FAM153A: variants seen among roughly 807,000 people sequenced by gnomAD.
FAM153A encodes protein FAM153A.
FAM153A carries 12 observed loss-of-function variants against 48.1 expected under a neutral mutation model. That is an observed-to-expected ratio of 0.25 (90% CI 0.16 to 0.40). The LOEUF is 0.40. Among genes scored for constraint, FAM153A ranks in the 10% least tolerant of loss-of-function variants. The pLI is 1.00. For missense variants in FAM153A, 111 were observed against 345.8 expected, an observed-to-expected ratio of 0.32 and a Z score of 5.38; for synonymous variants, 36 against 118.2, an observed-to-expected ratio of 0.30 and a Z score of 4.51.
At chr5:177,755,932 G>A (rs10155533), upstream of FAM153A, among the ~76,000 whole-genome samples, 475 of 150,834 alleles carry the variant, frequency 3.1e-3, 13 homozygotes, top group African/African-American at 0.011. Context: ...GTCAACTAAC[G>A]AGCAAAATAA....
intron 1 of FAM153A, among the ~76,000 whole-genome samples, chr5:177,758,530 C>T (rs988976355): frequency 3.0e-5 from 4 of 135,200 alleles, no homozygotes; most frequent in Middle Eastern, 4.0e-3. Context: ...CAATCCTAAG[C>T]CAAAAGAACA....
intron 1 of FAM153A, among the ~76,000 whole-genome samples, chr5:177,764,362 C>T (rs1222713607): frequency 2.0e-5 from 3 of 151,546 alleles, no homozygotes; most frequent in Admixed American, 1.3e-4. Flanking sequence ...CGACTATTAA[C>T]GCCTGGGCTG....
At chr5:177,719,507 A>G (rs1488011288), downstream of FAM153A, among the ~76,000 whole-genome samples, 1 of 151,182 alleles carries the variant, frequency 6.6e-6, no homozygotes, top group Non-Finnish European at 1.5e-5. Context: ...TGTAACACCC[A>G]GCTCGGCAAG....
At chr5:177,715,279 G>A (rs1759460403) in intron 25 of FAM153A, among the ~76,000 whole-genome samples, 1 of 149,166 alleles carries the variant, frequency 6.7e-6, no homozygotes, top group African/African-American at 2.5e-5. Flanking sequence ...ACCGCACCCG[G>A]CCATCTCTAT....
At chr5:177,706,363 CT>C (rs575859243), downstream of FAM153A, among the ~76,000 whole-genome samples, 1 of 150,298 alleles carries the variant, frequency 6.7e-6, no homozygotes, top group African/African-American at 2.5e-5. Context: ...AGCCTGGCTA[CT>C]TTTTTTTTGT....
chr5:177,755,868 C>G (rs1429546396), upstream of FAM153A, among the ~76,000 whole-genome samples: 1 of 149,376 alleles, frequency 6.7e-6, no homozygotes, highest in African/African-American at 2.5e-5. Context: ...CCGGTACCAG[C>G]CACTGTAAAA....
At chr5:177,720,048 CTT>C (rs201908777), downstream of FAM153A, among the ~76,000 whole-genome samples, 46 of 460 alleles carry the variant, frequency 0.1, 1 homozygote, top group Middle Eastern at 0.25. Flanking sequence ...TTTAAAAACT[CTT>C]TTGGCAGCAC....
intron 8 of FAM153A, chr5:177,740,388 G>A (rs1765289915): frequency 3.7e-5 from 2 of 54,442 alleles, no homozygotes; most frequent in African/African-American, 1.1e-4. Flanking sequence ...GGGGCAGTAG[G>A]TGGGGGCGCT....
At chr5:177,696,851 TTATAA>T in the FAM153A span, among the ~76,000 whole-genome samples, 3 of 151,350 alleles carry the variant, frequency 2.0e-5, no homozygotes, top group South Asian at 2.1e-4. Context: ...TTTTGTAGAT[TTATAA>T]TATGTTTTGA....
chr5:177,766,644 G>A lies in FAM153A; in HGVS notation c.-57+13805C>T, dbSNP rs6879455. 4.4e-5 allele frequency among the ~76,000 whole-genome samples: 4 copies of A among 90,222 alleles called. 1 individual carries two copies. The East Asian group carries it at 1.0e-3, about 23-fold the overall frequency. 59.2% of individuals were successfully genotyped at this position (90,222 alleles called of 152,430 possible). ...TTTTGTAAAATTATAATCCTATGGC[G>A]AAACCTTTACTTTGCCCTAAAGCCT... On this transcript the variant is annotated intron_variant, in intron 1 of 8. Coordinates refer to the FAM153A transcript ENST00000393518.
chr5:177,705,702 C>G (rs1757825847), downstream of FAM153A, among the ~76,000 whole-genome samples: 1 of 135,024 alleles, frequency 7.4e-6, no homozygotes, highest in Admixed American at 8.3e-5. Flanking sequence ...GCTTGTCACC[C>G]AGGCTGGAGT....
intron 25 of FAM153A, among the ~76,000 whole-genome samples, chr5:177,715,326 A>G (rs1759480475): frequency 1.4e-5 from 2 of 146,874 alleles, no homozygotes. Flanking sequence ...AGAAAGATGT[A>G]AATTTGCTTA....
At chr5:177,709,707 G>A (rs943379193), downstream of FAM153A, among the ~76,000 whole-genome samples, 3 of 103,638 alleles carry the variant, frequency 2.9e-5, no homozygotes, top group Admixed American at 2.3e-4. Context: ...TTTTGCTCTT[G>A]TTGCTCGGGC....
At chr5:177,745,923 C>A (rs1157350656) in intron 4 of FAM153A, among the ~76,000 whole-genome samples, 3 of 151,270 alleles carry the variant, frequency 2.0e-5, no homozygotes, top group African/African-American at 7.4e-5. Flanking sequence ...CCTGGGTTAG[C>A]TGACCATTGA....
In FAM153A at chr5:177,766,618, C is replaced by T. The variant is rs1440241708; in HGVS notation, c.-57+13831G>A. ...AATTTCTGAGACTTGTCTAATCTTG[C>T]TTTTGTAAAATTATAATCCTATGGC... On this transcript the variant is annotated intron_variant, in intron 1 of 8. Transcript: ENST00000393518. 4.2e-5 allele frequency among the ~76,000 whole-genome samples: 4 copies of T among 94,508 alleles called. 2 individuals are homozygous for T. Among genetic ancestry groups the T allele is most frequent in the Non-Finnish European group, 8.7e-5 (4 of 45,946 alleles). 62.0% of individuals were successfully genotyped at this position (94,508 alleles called of 152,430 possible).
the FAM153A span, among the ~76,000 whole-genome samples, chr5:177,702,404 A>C: frequency 6.6e-6 from 1 of 151,838 alleles, no homozygotes; most frequent in African/African-American, 2.4e-5. Context: ...ATGAGCAAAG[A>C]AATGACCTAA....
downstream of FAM153A, among the ~76,000 whole-genome samples, chr5:177,708,938 CAA>C (rs986701054): frequency 6.7e-6 from 1 of 150,076 alleles, no homozygotes; most frequent in African/African-American, 2.5e-5. Flanking sequence ...ACTAAAAACA[CAA>C]AAAAATTAGA....
chr5:177,703,098 A>G (rs1344191628), downstream of FAM153A, among the ~76,000 whole-genome samples: 1 of 152,154 alleles, frequency 6.6e-6, no homozygotes, highest in Non-Finnish European at 1.5e-5. Context: ...ATCCACCAGC[A>G]GCTTGCACTC....
downstream of FAM153A, among the ~76,000 whole-genome samples, chr5:177,709,165 A>G (rs1582112206): frequency 7.0e-6 from 1 of 143,508 alleles, no homozygotes; most frequent in African/African-American, 2.6e-5. Flanking sequence ...ACTCAAGAGC[A>G]TCTCACACCC....
Sources: allele counts gnomAD v4.1 joint callset (sites outside exome capture counted in the v4.1 genomes callset), GRCh38; gene constraint gnomAD v4.1.1; transcripts MANE v1.5; gene names NCBI Gene and HGNC (gene_info 2026-07-23, HGNC 2026-07-21).